DNAAF4: variants seen among roughly 807,000 people sequenced by gnomAD.
DNAAF4 encodes dynein axonemal assembly factor 4.
DNAAF4 carries 43 observed loss-of-function variants against 51.8 expected under a neutral mutation model. The ratio of observed to expected loss-of-function variants is 0.83; its 90% CI spans 0.65 to 1.07. The LOEUF is 1.07. Ranked by LOEUF, DNAAF4 falls within the 50% of genes least tolerant of loss-of-function variation. DNAAF4 has a pLI of 0.00. For missense variants in DNAAF4, 581 were observed against 493.0 expected, an observed-to-expected ratio of 1.18 and a Z score of -1.69; for synonymous variants, 194 against 165.6, an observed-to-expected ratio of 1.17 and a Z score of -1.32.
At chr15:55,443,163 A>C in intron 6 of DNAAF4, 7 of 1,610,582 alleles carry the variant, frequency 4.3e-6, no homozygotes, top group Non-Finnish European at 5.9e-6. Flanking sequence ...ATTTCTTCAT[A>C]AACTGGTCAA....
chr15:55,498,171 C>G, intron 2 of DNAAF4, 36 bp downstream of exon 2: 1 of 1,613,898 alleles, frequency 6.2e-7, no homozygotes, highest in South Asian at 1.1e-5. Context: ...TCGGACCACA[C>G]CCCCGGAGAC....
At chr15:55,497,918 A>G in intron 2 of DNAAF4, 59 bp from the exon 3 acceptor site, 1 of 1,548,724 alleles carries the variant, frequency 6.5e-7, no homozygotes, top group Admixed American at 2.1e-5. Flanking sequence ...CACGCGTATT[A>G]AGAAACACGT....
At chr15:55,425,180 A>C (rs2057420057) in intron 7 of DNAAF4, among the ~76,000 whole-genome samples, 1 of 152,166 alleles carries the variant, frequency 6.6e-6, no homozygotes, top group South Asian at 2.1e-4. Context: ...CTTTGCTCTT[A>C]AGAGCCCAGT....
downstream of DNAAF4, among the ~76,000 whole-genome samples, chr15:55,429,056 T>C (rs976985054): frequency 2.0e-5 from 3 of 151,242 alleles, no homozygotes; most frequent in Admixed American, 1.3e-4. Flanking sequence ...ACCCCGTCTC[T>C]ACTAAAAATA....
downstream of DNAAF4, among the ~76,000 whole-genome samples, chr15:55,429,955 A>G (rs114020269): frequency 1.6e-3 from 249 of 152,304 alleles, 2 homozygotes; most frequent in African/African-American, 5.7e-3. Flanking sequence ...TCCAATACCA[A>G]TACCATAATA....
intron 3 of DNAAF4, among the ~76,000 whole-genome samples, chr15:55,492,728 C>T (rs1432217049): frequency 3.3e-5 from 5 of 151,910 alleles, no homozygotes; most frequent in African/African-American, 1.2e-4. Context: ...TTAGTACAGA[C>T]GGGGTTTCAC....
At chr15:55,504,260 T>C (rs573067048) in intron 1 of DNAAF4, among the ~76,000 whole-genome samples, 3 of 152,098 alleles carry the variant, frequency 2.0e-5, no homozygotes, top group African/African-American at 7.2e-5. Context: ...CACTGCTCAG[T>C]GAAATAAAAG....
chr15:55,502,408 T>A (rs2058704244), intron 1 of DNAAF4, among the ~76,000 whole-genome samples: 2 of 152,216 alleles, frequency 1.3e-5, no homozygotes, highest in Admixed American at 1.3e-4. Context: ...TCCTTTGTGT[T>A]ATTAGGTTTT....
At chr15:55,445,032 C>CTTTTTTTTTTT (rs35988188) in intron 6 of DNAAF4, among the ~76,000 whole-genome samples, 2 of 109,044 alleles carry the variant, frequency 1.8e-5, no homozygotes, top group African/African-American at 3.6e-5. Flanking sequence ...ATTGAATACC[C>CTTTTTTTTTTT]TTTTTTTTTT....
At chr15:55,435,198 C>G (rs1595892192) in intron 7 of DNAAF4, 140 bp from the exon 8 acceptor site, 2 of 832,704 alleles carry the variant, frequency 2.4e-6, no homozygotes, top group East Asian at 2.8e-5. Context: ...TGCACTGAAT[C>G]CATCTCTTTT....
At chr15:55,437,793 A>C (rs1471938402) in intron 7 of DNAAF4, among the ~76,000 whole-genome samples, 1 of 152,174 alleles carries the variant, frequency 6.6e-6, no homozygotes, top group Non-Finnish European at 1.5e-5. Context: ...AAATTTAAGA[A>C]AACAGCTTTT....
chr15:55,490,965 A>G (rs1161564168), intron 4 of DNAAF4, 158 bp downstream of exon 4: 1 of 795,032 alleles, frequency 1.3e-6, no homozygotes, highest in African/African-American at 1.8e-5. Flanking sequence ...AGAAAAAAAA[A>G]AACACACATA....
intron 5 of DNAAF4, among the ~76,000 whole-genome samples, chr15:55,455,132 T>TA (rs1555416481): frequency 6.1e-5 from 9 of 148,054 alleles, no homozygotes; most frequent in Admixed American, 3.4e-4. Flanking sequence ...TTTTTTTTTT[T>TA]AAAAAAACCT....
chr15:55,486,099 A>C (rs114408687), intron 4 of DNAAF4, among the ~76,000 whole-genome samples: 1 of 151,270 alleles, frequency 6.6e-6, no homozygotes, highest in South Asian at 2.1e-4. Context: ...AGCTTCCACT[A>C]ATCACCTCAT....
rs143464864 is a variant in DNAAF4, at chr15:55,460,895, G to C, written c.637+6035C>G. On this transcript the variant is annotated intron_variant, in intron 5 of 9. Transcript: ENST00000321149. ...TTCTTCTGCCTCAGCCTCCCAAGCA[G>C]CTGGGATTACAGGCCCCCGCCACCA... Among the ~76,000 whole-genome samples, 194 of 151,822 alleles carry C rather than the reference G, an allele frequency of 1.3e-3. 2 individuals carry two copies. The highest frequency in any genetic ancestry group is 4.5e-3 in the African/African-American group (185 of 41,366).
At chr15:55,444,404 T>G (rs1051721336) in intron 6 of DNAAF4, among the ~76,000 whole-genome samples, 1 of 152,216 alleles carries the variant, frequency 6.6e-6, no homozygotes, top group African/African-American at 2.4e-5. Context: ...TTGGTCTATA[T>G]CTCTGTTTCA....
intron 4 of DNAAF4, among the ~76,000 whole-genome samples, chr15:55,484,172 G>C (rs1420290606): frequency 6.6e-6 from 1 of 151,922 alleles, no homozygotes; most frequent in Non-Finnish European, 1.5e-5. Context: ...ATGGAATACA[G>C]TATGGCAATT....
chr15:55,490,065 G>C lies in DNAAF4; in HGVS notation c.405+1058C>G, dbSNP rs183177193. The stretch of plus-strand genomic sequence containing the variant: ...ATTTTTGTATTTTTAGTAGAGACAG[G>C]GTTTCACTGTGTTGGCCAGGCTGGT... On this transcript the variant is annotated intron_variant, in intron 4 of 9. Transcript: ENST00000321149. Among the ~76,000 whole-genome samples the C allele has an allele frequency of 2.7e-3, 403 of 152,012 alleles. 1 individual carries two copies. Among genetic ancestry groups the C allele is most frequent in the African/African-American group, 9.4e-3 (390 of 41,474 alleles).
intron 6 of DNAAF4, among the ~76,000 whole-genome samples, chr15:55,445,532 C>A (rs879938869): frequency 6.6e-6 from 1 of 152,152 alleles, no homozygotes; most frequent in Non-Finnish European, 1.5e-5. Flanking sequence ...TCATCATGGC[C>A]CGTTCTCGAT....
Sources: gnomAD v4.1 joint callset for allele counts (sites outside exome capture counted in the v4.1 genomes callset) on GRCh38, gnomAD v4.1.1 for gene constraint, MANE v1.5 for transcripts, NCBI Gene and HGNC (gene_info 2026-07-23, HGNC 2026-07-21) for gene names.